The following NRXN3 variants were observed in gnomAD, a reference collection of about 807,000 sequenced individuals.
NRXN3 encodes neurexin 3.
A neutral mutation model predicts 137.6 loss-of-function variants in NRXN3; 32 were observed. The ratio of observed to expected loss-of-function variants is 0.23; its 90% CI spans 0.18 to 0.31. NRXN3 has a LOEUF of 0.31. Among genes scored for constraint, NRXN3 ranks in the 10% least tolerant of loss-of-function variants. The pLI is 1.00. For synonymous variants in NRXN3, 798 were observed against 784.5 expected, an observed-to-expected ratio of 1.02 and a Z score of -0.29; for missense variants, 1,574 against 2,062.5, an observed-to-expected ratio of 0.76 and a Z score of 4.59.
chr14:78,228,793 G>A (rs1214789003), intron 1 of NRXN3, among the ~76,000 whole-genome samples: 2 of 152,128 alleles, frequency 1.3e-5, no homozygotes, highest in Non-Finnish European at 2.9e-5. Context: ...TTGGGGCAGG[G>A]ACACCCCTTG....
intron 4 of NRXN3, among the ~76,000 whole-genome samples, chr14:78,304,104 C>T (rs2077130833): frequency 1.3e-5 from 2 of 152,166 alleles, no homozygotes; most frequent in Non-Finnish European, 2.9e-5. Flanking sequence ...ACATGTACCC[C>T]TTTTCACAAC....
At chr14:79,368,106 A>G (rs1045216678) in intron 15 of NRXN3, among the ~76,000 whole-genome samples, 2 of 152,208 alleles carry the variant, frequency 1.3e-5, no homozygotes, top group African/African-American at 2.4e-5. Context: ...GACTTTGTCA[A>G]TAAAAGGACA....
chr14:78,278,671 TTG>T lies in NRXN3; in HGVS notation c.727+13_727+14del. 1 of 1,534,662 alleles carries T rather than the reference TTG, an allele frequency of 6.5e-7. No individual in the cohort carries two copies. The highest frequency in any genetic ancestry group is 2.4e-5 in the East Asian group (1 of 40,906). On this transcript the variant is annotated intron_variant, in intron 3 of 20. Coordinates refer to ENST00000335750, the MANE Select transcript of NRXN3 (RefSeq NM_001330195.2). ...TGTCAGTCAAGATCCAGGTGAGTCT[TTG>T]TGTTTGCACAGCTGCTGTGGGAATT... is the stretch of plus-strand genomic sequence containing the variant.
At chr14:79,464,545 G>GT (rs2096396811) in intron 15 of NRXN3, among the ~76,000 whole-genome samples, 1 of 152,158 alleles carries the variant, frequency 6.6e-6, no homozygotes, top group Admixed American at 6.5e-5. Flanking sequence ...AAAACTACAA[G>GT]TAAAATGCTT....
intron 4 of NRXN3, among the ~76,000 whole-genome samples, chr14:78,526,933 C>T (rs2096389373): frequency 6.6e-6 from 1 of 152,076 alleles, no homozygotes; most frequent in Admixed American, 6.5e-5. Context: ...TCAGTGAGGG[C>T]CAAATGGAAG....
intron 8 of NRXN3, among the ~76,000 whole-genome samples, chr14:78,770,748 G>C (rs758970601): frequency 6.6e-6 from 1 of 152,136 alleles, no homozygotes; most frequent in Non-Finnish European, 1.5e-5. Flanking sequence ...TTGCAAAGAA[G>C]ATACTTGGAG....
At chr14:78,479,864 G>C (rs963849139) in intron 4 of NRXN3, among the ~76,000 whole-genome samples, 32 of 152,120 alleles carry the variant, frequency 2.1e-4, no homozygotes, top group Non-Finnish European at 2.9e-5. Flanking sequence ...GGGAAATAAG[G>C]CTGGGCATGG....
intron 4 of NRXN3, among the ~76,000 whole-genome samples, chr14:78,447,522 T>A (rs1325146981): frequency 6.6e-6 from 1 of 152,180 alleles, no homozygotes; most frequent in Non-Finnish European, 1.5e-5. Flanking sequence ...AGAGGAAAGA[T>A]AATGACCAGT....
intron 15 of NRXN3, among the ~76,000 whole-genome samples, chr14:79,109,778 T>A (rs914728657): frequency 2.6e-5 from 4 of 152,178 alleles, no homozygotes; most frequent in Non-Finnish European, 5.9e-5. Context: ...TAGACATATT[T>A]ATAAGTATCG....
chr14:78,504,565 T>A (rs1034385106), intron 4 of NRXN3, among the ~76,000 whole-genome samples: 2 of 152,188 alleles, frequency 1.3e-5, no homozygotes, highest in African/African-American at 4.8e-5. Flanking sequence ...TCAGGAACTA[T>A]GTATTTTTCA....
intron 8 of NRXN3, among the ~76,000 whole-genome samples, chr14:78,723,625 C>A (rs1421106988): frequency 6.6e-6 from 1 of 152,158 alleles, no homozygotes; most frequent in Non-Finnish European, 1.5e-5. Context: ...TCAATATTTG[C>A]CATGACAATA....
At chr14:78,855,806 A>G (rs1321450799) in intron 10 of NRXN3, among the ~76,000 whole-genome samples, 14 of 152,156 alleles carry the variant, frequency 9.2e-5, no homozygotes, top group Non-Finnish European at 1.0e-4. Context: ...CTTATTAGGC[A>G]TTCTAAGGAG....
chr14:78,562,287 C>T (rs1398417083), intron 4 of NRXN3, among the ~76,000 whole-genome samples: 3 of 150,750 alleles, frequency 2.0e-5, no homozygotes, highest in African/African-American at 4.9e-5. Flanking sequence ...GTCCCGGCTA[C>T]TCAGGAGGCT....
At chr14:78,994,044 C>T (rs895611785) in intron 15 of NRXN3, among the ~76,000 whole-genome samples, 18 of 151,400 alleles carry the variant, frequency 1.2e-4, no homozygotes, top group South Asian at 2.1e-4. Context: ...TTAGTAGAGA[C>T]GGGGTTTCAC....
intron 4 of NRXN3, among the ~76,000 whole-genome samples, chr14:78,376,652 G>T (rs2087904842): frequency 6.6e-6 from 1 of 152,160 alleles, no homozygotes; most frequent in Non-Finnish European, 1.5e-5. Flanking sequence ...AAGCTGAAAA[G>T]CTGGAAACAT....
intron 15 of NRXN3, among the ~76,000 whole-genome samples, chr14:79,171,633 T>C (rs1341368589): frequency 6.6e-6 from 1 of 152,182 alleles, no homozygotes; most frequent in African/African-American, 2.4e-5. Flanking sequence ...TGCTTTAAAA[T>C]ATATGCCTGA....
At chr14:79,689,587 T>A (rs1329203682) in intron 17 of NRXN3, among the ~76,000 whole-genome samples, 1 of 152,070 alleles carries the variant, frequency 6.6e-6, no homozygotes, top group Non-Finnish European at 1.5e-5. Flanking sequence ...GTGGAAAACT[T>A]AAAACTTTTT....
chr14:79,106,145 G>A (rs532137382), intron 15 of NRXN3, among the ~76,000 whole-genome samples: 2 of 152,124 alleles, frequency 1.3e-5, no homozygotes, highest in African/African-American at 2.4e-5. Flanking sequence ...CAGTATGGTA[G>A]CATAGACTGT....
chr14:79,681,587 A>C (rs374168493), intron 17 of NRXN3, among the ~76,000 whole-genome samples: 2 of 152,212 alleles, frequency 1.3e-5, no homozygotes, highest in African/African-American at 4.8e-5. Context: ...ATGGCTCTTC[A>C]AGCTTCTGCT....
Sources: allele counts gnomAD v4.1 joint callset (sites outside exome capture counted in the v4.1 genomes callset), GRCh38; gene constraint gnomAD v4.1.1; transcripts MANE v1.5; gene names NCBI Gene and HGNC (gene_info 2026-07-23, HGNC 2026-07-21).